The following DCHS2 variants were observed in gnomAD, a reference collection of about 807,000 sequenced individuals.
DCHS2 encodes the protein dachsous cadherin-related 2.
A neutral mutation model predicts 182.4 loss-of-function variants in DCHS2; 142 were observed. The observed-to-expected ratio is 0.78, with a 90% confidence interval of 0.68 to 0.89. DCHS2 has a LOEUF of 0.89. DCHS2 is among the 40% of genes least tolerant of loss of function. DCHS2 has a pLI of 0.00. For synonymous variants in DCHS2, 1,740 were observed against 1,663.3 expected, an observed-to-expected ratio of 1.05 and a Z score of -1.12; for missense variants, 4,319 against 4,198.6, an observed-to-expected ratio of 1.03 and a Z score of -0.79.
chr4:154,273,499 C>T (rs1733692942), intron 13 of DCHS2, among the ~76,000 whole-genome samples: 1 of 152,010 alleles, frequency 6.6e-6, no homozygotes, highest in South Asian at 2.1e-4. Context: ...ACAATAGATA[C>T]TATATACACT....
At chr4:154,488,671 G>A (rs1230928643) in intron 1 of DCHS2, among the ~76,000 whole-genome samples, 1 of 152,114 alleles carries the variant, frequency 6.6e-6, no homozygotes, top group Non-Finnish European at 1.5e-5. Flanking sequence ...GGGAAGTTGA[G>A]GAGGGCAGAT....
chr4:154,456,747 C>A (rs1734784330), intron 1 of DCHS2, among the ~76,000 whole-genome samples: 1 of 152,062 alleles, frequency 6.6e-6, no homozygotes, highest in Non-Finnish European at 1.5e-5. Context: ...TGAGTCAGAG[C>A]TATAGGTAAA....
chr4:154,239,357 C>T, intron 18 of DCHS2, 55 bp from the exon 19 acceptor site: 2 of 1,603,972 alleles, frequency 1.2e-6, no homozygotes, highest in Non-Finnish European at 1.7e-6. Context: ...AAGGTATTTT[C>T]ACCAACAGGG....
intron 16 of DCHS2, 70 bp from the exon 17 acceptor site, chr4:154,242,842 A>G (rs1461212366): frequency 2.0e-6 from 3 of 1,506,248 alleles, no homozygotes; most frequent in East Asian, 4.9e-5. Context: ...TAAATATCAA[A>G]TATCTAGTTG....
At chr4:154,405,939 A>G (rs1732382104) in intron 1 of DCHS2, among the ~76,000 whole-genome samples, 1 of 152,196 alleles carries the variant, frequency 6.6e-6, no homozygotes, top group Non-Finnish European at 1.5e-5. Context: ...AAGAGTTGAC[A>G]TTTTGTCCTT....
chr4:154,245,977 A>C (rs1034725876), intron 16 of DCHS2, among the ~76,000 whole-genome samples: 2 of 152,216 alleles, frequency 1.3e-5, no homozygotes, highest in East Asian at 1.9e-4. Context: ...GAGGCTGTGC[A>C]TGTGTTTGGG....
At chr4:154,329,749 T>C (rs1425296690) in intron 5 of DCHS2, 39 bp from the exon 6 acceptor site, 1 of 1,562,246 alleles carries the variant, frequency 6.4e-7, no homozygotes, top group African/African-American at 1.4e-5. Flanking sequence ...AGGCACTGTG[T>C]ACCAGGCGCA....
intron 13 of DCHS2, among the ~76,000 whole-genome samples, chr4:154,289,631 C>CA (rs965447220): frequency 2.6e-5 from 4 of 151,588 alleles, no homozygotes; most frequent in African/African-American, 4.8e-5. Flanking sequence ...TAAGAGACAT[C>CA]AAAAAAAGAG....
intron 1 of DCHS2, among the ~76,000 whole-genome samples, chr4:154,402,894 C>A (rs985458075): frequency 2.0e-5 from 3 of 152,104 alleles, no homozygotes; most frequent in African/African-American, 7.2e-5. Flanking sequence ...TACAAGTCCT[C>A]GTGCATTTTA....
At position 154,298,110 on chromosome 4, in the gene DCHS2, C is replaced by A; in HGVS notation, c.6204G>T (p.Gly2068=). The A allele has an allele frequency of 1.9e-6, 3 of 1,614,104 alleles. No homozygotes were observed. Among genetic ancestry groups the A allele is most frequent in the South Asian group, 1.1e-5 (1 of 91,076 alleles). The change falls in exon 13 of 20, where the codon GGG becomes GGT. Residue 2068 remains glycine (G), a synonymous_variant. Coordinates refer to ENST00000357232, the MANE Select transcript of DCHS2 (RefSeq NM_001358235.2). The stretch of plus-strand genomic sequence containing the variant: ...AACTAAAAACCACAGTTCCATTGGG[C>A]CCCAAGTCCAGGTCATCAGCTCTCA... ...VIVRADDLDL[G]PNGTVVFSFA... is the part of the protein sequence containing the mutation.
At chr4:154,321,311 T>C in intron 8 of DCHS2, 89 bp from the exon 9 acceptor site, 1 of 1,307,862 alleles carries the variant, frequency 7.6e-7, no homozygotes, top group East Asian at 2.7e-5. Flanking sequence ...GAAAGCAAAT[T>C]CCTTCCATGT....
At chr4:154,333,713 C>T (rs1459461109) in intron 4 of DCHS2, 1 of 585,580 alleles carries the variant, frequency 1.7e-6, no homozygotes, top group African/African-American at 1.9e-5. Context: ...GTACAACTGC[C>T]TACAGTATTA....
At chr4:154,469,083 A>G (rs1392623973) in intron 1 of DCHS2, among the ~76,000 whole-genome samples, 2 of 152,204 alleles carry the variant, frequency 1.3e-5, no homozygotes, top group African/African-American at 4.8e-5. Context: ...ATAAAGCTGA[A>G]AAATAGCATA....
At chr4:154,246,264 A>G (rs1402955417) in intron 16 of DCHS2, among the ~76,000 whole-genome samples, 1 of 152,108 alleles carries the variant, frequency 6.6e-6, no homozygotes, top group Non-Finnish European at 1.5e-5. Flanking sequence ...CTTGCCCATT[A>G]CTCTGCATTC....
At chr4:154,470,555 T>C (rs756991539) in intron 1 of DCHS2, among the ~76,000 whole-genome samples, 2 of 152,148 alleles carry the variant, frequency 1.3e-5, no homozygotes, top group Non-Finnish European at 2.9e-5. Flanking sequence ...ATTCTGATAT[T>C]ACCTTGCATG....
chr4:154,462,199 C>T (rs1735037945), intron 1 of DCHS2, among the ~76,000 whole-genome samples: 1 of 152,118 alleles, frequency 6.6e-6, no homozygotes, highest in African/African-American at 2.4e-5. Flanking sequence ...ACAAATGATA[C>T]ATCCAATTTT....
intron 1 of DCHS2, among the ~76,000 whole-genome samples, chr4:154,472,833 A>G (rs1735528781): frequency 6.6e-6 from 1 of 151,968 alleles, no homozygotes; most frequent in African/African-American, 2.4e-5. Flanking sequence ...CACACATATC[A>G]CATCACACAG....
intron 10 of DCHS2, among the ~76,000 whole-genome samples, chr4:154,307,447 A>G (rs75136183): frequency 0.3 from 45,939 of 151,548 alleles, 8,177 homozygotes; most frequent in Non-Finnish European, 0.41. Flanking sequence ...GCGCGCACAC[A>G]CACACACACA....
At chr4:154,353,351 C>A (rs1158826897) in intron 3 of DCHS2, among the ~76,000 whole-genome samples, 2 of 151,650 alleles carry the variant, frequency 1.3e-5, no homozygotes, top group African/African-American at 2.4e-5. Flanking sequence ...GACCAAGAAC[C>A]AATAGCAGAT....
Sources: allele counts gnomAD v4.1 joint callset (sites outside exome capture counted in the v4.1 genomes callset), GRCh38; gene constraint gnomAD v4.1.1; transcripts MANE v1.5; gene names NCBI Gene and HGNC (gene_info 2026-07-23, HGNC 2026-07-21).